ATL2: variants seen among roughly 807,000 people sequenced by gnomAD.
ATL2 encodes the protein atlastin GTPase 2, also known as atlastin-2.
Under a neutral mutation model 73.9 loss-of-function variants are expected in ATL2, and 31 were observed. That is an observed-to-expected ratio of 0.42 (90% CI 0.32 to 0.57). The LOEUF is 0.57. Among genes scored for constraint, ATL2 ranks in the 20% least tolerant of loss-of-function variants. ATL2 has a pLI of 0.14. For missense variants in ATL2, 738 were observed against 702.6 expected (o/e 1.05, Z -0.57); for synonymous variants, 291 against 237.5 (o/e 1.23, Z -2.07).
intron 1 of ATL2, among the ~76,000 whole-genome samples, chr2:38,369,761 A>G (rs1476389542): frequency 1.3e-5 from 2 of 152,154 alleles, no homozygotes; most frequent in Admixed American, 6.5e-5. Context: ...TGATAAAAAG[A>G]AAACAGCAAT....
intron 2 of ATL2, among the ~76,000 whole-genome samples, chr2:38,325,700 A>G (rs1191591196): frequency 7.6e-4 from 2 of 2,636 alleles, no homozygotes; most frequent in Non-Finnish European, 1.6e-3. Context: ...ACACACCAGT[A>G]CACACACACA....
intron 12 of ATL2, 40 bp from the exon 13 acceptor site, chr2:38,296,153 G>A (rs555441060): frequency 2.7e-4 from 408 of 1,501,250 alleles, no homozygotes; most frequent in Middle Eastern, 5.2e-4. Flanking sequence ...AAAAACATGA[G>A]GTAAAAAAAG....
intron 12 of ATL2, chr2:38,296,723 T>A (rs1288808932): frequency 7.1e-6 from 11 of 1,552,028 alleles, no homozygotes; most frequent in Non-Finnish European, 8.7e-6. Context: ...AAAAGAGAAA[T>A]GCAAAGAAAT....
chr2:38,347,728 T>C (rs1262350090), intron 1 of ATL2, among the ~76,000 whole-genome samples: 1 of 151,860 alleles, frequency 6.6e-6, no homozygotes, highest in Non-Finnish European at 1.5e-5. Flanking sequence ...ATGAATGAAA[T>C]TTAAGCATTT....
chr2:38,308,964 T>G (rs1265814378), intron 9 of ATL2, among the ~76,000 whole-genome samples: 1 of 151,892 alleles, frequency 6.6e-6, no homozygotes, highest in Non-Finnish European at 1.5e-5. Context: ...CTAAGAGTAC[T>G]TTACTTGAAC....
At chr2:38,331,275 A>T (rs1212565455) in intron 2 of ATL2, among the ~76,000 whole-genome samples, 1 of 151,886 alleles carries the variant, frequency 6.6e-6, no homozygotes, top group Non-Finnish European at 1.5e-5. Flanking sequence ...ATCTCTACTA[A>T]AAATACAAAA....
intron 1 of ATL2, chr2:38,354,307 G>A (rs137891074): frequency 3.9e-6 from 1 of 257,570 alleles, no homozygotes; most frequent in Non-Finnish European, 7.8e-6. Context: ...CTATTGATCT[G>A]AATCCAAAAT....
chr2:38,334,898 AT>A (rs1669238864), intron 2 of ATL2, among the ~76,000 whole-genome samples: 1 of 136,192 alleles, frequency 7.3e-6, no homozygotes, highest in East Asian at 2.0e-4. Context: ...TATAATATAT[AT>A]TATTTATAAT....
chr2:38,309,842 G>C (rs1667649963), intron 8 of ATL2, among the ~76,000 whole-genome samples: 1 of 151,988 alleles, frequency 6.6e-6, no homozygotes, highest in Non-Finnish European at 1.5e-5. Flanking sequence ...TCATAAAATT[G>C]TATTAAATTT....
intron 1 of ATL2, among the ~76,000 whole-genome samples, chr2:38,360,930 C>CAAA (rs201457850): frequency 7.3e-6 from 1 of 137,838 alleles, no homozygotes; most frequent in Non-Finnish European, 1.6e-5. Context: ...TTGGTAACTA[C>CAAA]AAAAAAAAAA....
intron 2 of ATL2, among the ~76,000 whole-genome samples, chr2:38,325,547 T>C (rs866091117): frequency 2.6e-5 from 4 of 151,648 alleles, no homozygotes; most frequent in African/African-American, 9.7e-5. Context: ...GTTTCCCTCA[T>C]GACTGACAAG....
intron 2 of ATL2, among the ~76,000 whole-genome samples, chr2:38,342,341 A>G (rs1054093025): frequency 2.0e-5 from 3 of 152,226 alleles, no homozygotes; most frequent in Non-Finnish European, 4.4e-5. Flanking sequence ...AAGCAACTAA[A>G]GTAATATCAA....
chr2:38,376,147 T>C lies in ATL2; in HGVS notation c.118+996A>G, dbSNP rs927993977. ...GTAGGCTTTTACTATTTATAAGCCT[T>C]TGAAAAAACTTTATGCCTTTCTTAA... is the stretch of plus-strand genomic sequence containing the variant. On this transcript the variant is annotated intron_variant, in intron 1 of 12. Coordinates refer to ENST00000378954, the MANE Select transcript of ATL2 (RefSeq NM_001135673.4). The C allele has an allele frequency of 2.0e-6, 3 of 1,531,504 alleles. No homozygotes were observed. In the African/African-American group the frequency reaches 4.1e-5, roughly 21 times the overall value. 94.9% of individuals were successfully genotyped at this position (1,531,504 alleles called of 1,614,324 possible).
intron 7 of ATL2, among the ~76,000 whole-genome samples, chr2:38,312,902 C>T (rs1465836129): frequency 6.6e-6 from 1 of 152,132 alleles, no homozygotes; most frequent in African/African-American, 2.4e-5. Context: ...TACACAAGTA[C>T]TTCCATGGGG....
intron 2 of ATL2, among the ~76,000 whole-genome samples, chr2:38,329,142 A>G (rs1338999620): frequency 6.6e-6 from 1 of 150,462 alleles, no homozygotes; most frequent in Non-Finnish European, 1.5e-5. Context: ...AAAAAAAAAA[A>G]AAGGCCAGGC....
chr2:38,318,491 A>G (rs904676831), intron 4 of ATL2, 44 bp downstream of exon 4: 1 of 1,421,082 alleles, frequency 7.0e-7, no homozygotes, highest in Non-Finnish European at 9.5e-7. Context: ...AAAGGGGCCA[A>G]ATGATTACGT....
At chr2:38,378,519 G>A (rs1672098198), upstream of ATL2, among the ~76,000 whole-genome samples, 1 of 152,226 alleles carries the variant, frequency 6.6e-6, no homozygotes, top group African/African-American at 2.4e-5. Flanking sequence ...TTACAGGCGT[G>A]AGCCACTGCG....
chr2:38,367,509 G>C (rs1671399393), intron 1 of ATL2, among the ~76,000 whole-genome samples: 1 of 136,330 alleles, frequency 7.3e-6, no homozygotes, highest in African/African-American at 2.6e-5. Flanking sequence ...CAGAGGCTGA[G>C]GCAGGAGAAT....
chr2:38,349,562 A>ACCTAATG (rs1670223551), intron 1 of ATL2, among the ~76,000 whole-genome samples: 1 of 150,660 alleles, frequency 6.6e-6, no homozygotes, highest in South Asian at 2.1e-4. Flanking sequence ...TTAGGAGTAT[A>ACCTAATG]CCTAATGCTA....
Sources: allele counts gnomAD v4.1 joint callset (sites outside exome capture counted in the v4.1 genomes callset), GRCh38; gene constraint gnomAD v4.1.1; transcripts MANE v1.5; gene names NCBI Gene and HGNC (gene_info 2026-07-23, HGNC 2026-07-21).